RBM19: variants seen among roughly 807,000 people sequenced by gnomAD.
RBM19 encodes the protein probable RNA-binding protein 19.
RBM19 carries 94 observed loss-of-function variants against 116.8 expected under a neutral mutation model. The observed-to-expected ratio is 0.80, with a 90% CI of 0.68 to 0.95. RBM19 has a LOEUF of 0.95. RBM19 is among the 40% of genes least tolerant of loss of function. The pLI is 0.00. For synonymous variants in RBM19, 475 were observed against 494.1 expected (o/e 0.96, Z 0.51); for missense variants, 1,161 against 1,220.7 (o/e 0.95, Z 0.73).
chr12:113,848,241 G>A (rs1877151209), intron 22 of RBM19, among the ~76,000 whole-genome samples: 1 of 152,222 alleles, frequency 6.6e-6, no homozygotes, highest in African/African-American at 2.4e-5. Flanking sequence ...AGGCTAAAGA[G>A]TGGGGAGAAG....
intron 22 of RBM19, among the ~76,000 whole-genome samples, chr12:113,851,192 C>G (rs1339581691): frequency 6.6e-6 from 1 of 152,174 alleles, no homozygotes; most frequent in African/African-American, 2.4e-5. Context: ...CCAGAAATGA[C>G]ACCATGGAGC....
chr12:113,852,196 C>T (rs1371294310), intron 22 of RBM19, among the ~76,000 whole-genome samples: 3 of 152,194 alleles, frequency 2.0e-5, no homozygotes, highest in East Asian at 3.9e-4. Flanking sequence ...TCACTCTGAT[C>T]TCTGTAGGAC....
intron 22 of RBM19, among the ~76,000 whole-genome samples, chr12:113,846,485 T>C (rs1876984372): frequency 6.6e-6 from 1 of 152,162 alleles, no homozygotes; most frequent in South Asian, 2.1e-4. Flanking sequence ...CAGCAGGCCC[T>C]GAGCCAATGA....
chr12:113,949,202 A>C (rs1314500690), intron 9 of RBM19, among the ~76,000 whole-genome samples, 166 bp from the exon 10 acceptor site: 2 of 152,186 alleles, frequency 1.3e-5, no homozygotes, highest in Non-Finnish European at 2.9e-5. Context: ...AGCATAAGCC[A>C]AGCCAACACC....
intron 5 of RBM19, among the ~76,000 whole-genome samples, chr12:113,958,807 C>T (rs1313207702): frequency 6.8e-6 from 1 of 146,940 alleles, no homozygotes; most frequent in Admixed American, 6.8e-5. Context: ...GGGAGGCCTT[C>T]CCTCATAATT....
At chr12:113,866,715 G>A (rs1392385312) in intron 21 of RBM19, among the ~76,000 whole-genome samples, 1 of 152,190 alleles carries the variant, frequency 6.6e-6, no homozygotes, top group Non-Finnish European at 1.5e-5. Context: ...CTAGGTGAGT[G>A]TGGGCCTGCT....
intron 22 of RBM19, among the ~76,000 whole-genome samples, chr12:113,857,873 G>A (rs940183281): frequency 6.6e-6 from 1 of 152,236 alleles, no homozygotes; most frequent in South Asian, 2.1e-4. Flanking sequence ...GTGACTCCAG[G>A]AAATGTTCAC....
At chr12:113,829,203 G>A (rs1875150922) in intron 23 of RBM19, among the ~76,000 whole-genome samples, 1 of 152,168 alleles carries the variant, frequency 6.6e-6, no homozygotes, top group South Asian at 2.1e-4. Context: ...TCACCATGTT[G>A]GACATGAGCT....
chr12:113,877,457 G>A (rs11066799), intron 21 of RBM19, among the ~76,000 whole-genome samples: 35,140 of 152,130 alleles, frequency 0.23, 4,329 homozygotes, highest in Middle Eastern at 0.33. Flanking sequence ...TGGGGCTGCA[G>A]CTGTCTTCTC....
At chr12:113,934,736 CTAT>C (rs1333228594) in intron 16 of RBM19, among the ~76,000 whole-genome samples, 1 of 152,150 alleles carries the variant, frequency 6.6e-6, no homozygotes, top group Non-Finnish European at 1.5e-5. Flanking sequence ...GGAGCCCCCT[CTAT>C]TATTTTGATT....
In RBM19 at chr12:113,959,410, G is replaced by A. The variant is rs748492684; in HGVS notation, c.379-6C>T. ...AACTCTGTATCCTCCTTCAGCTGGT[G>A]GCACCAGAACCCGGGCGGCAGGGAC... On this transcript the variant is annotated splice_polypyrimidine_tract_variant and splice_region_variant and intron_variant, in intron 4 of 23. Transcript: ENST00000261741. 8 of 1,597,058 alleles carry A rather than the reference G, an allele frequency of 5.0e-6. No individual in the cohort carries two copies. Among genetic ancestry groups the A allele is most frequent in the Middle Eastern group, 1.7e-4 (1 of 6,014 alleles).
At chr12:113,859,663 G>C (rs911127672) in intron 21 of RBM19, among the ~76,000 whole-genome samples, 1 of 152,152 alleles carries the variant, frequency 6.6e-6, no homozygotes, top group Non-Finnish European at 1.5e-5. Flanking sequence ...AGGACAAAGG[G>C]ATAGGGCTTT....
In RBM19 at chr12:113,920,678, G is replaced by A; in HGVS notation, c.2318C>T (p.Ser773Phe). 6.2e-7 allele frequency: 1 copy of A among 1,613,952 alleles called. No homozygotes were observed. Among genetic ancestry groups the A allele is most frequent in the African/African-American group, 1.3e-5 (1 of 75,036 alleles). Residue 773 changes from serine to phenylalanine, a missense_variant, in exon 19 of 24, where the codon TCC becomes TTC. Coordinates refer to ENST00000261741, the MANE Select transcript of RBM19 (RefSeq NM_016196.4). ...GTATTCCACAAATCCAAACCCCATG[G>A]AAAGGAGCACTCCTGAGAGAGAGAG... ...KKKNKAGVLL[S>F]MGFGFVEYRK...
chr12:113,840,968 C>A (rs1876418409), intron 23 of RBM19, among the ~76,000 whole-genome samples: 1 of 152,232 alleles, frequency 6.6e-6, no homozygotes, highest in South Asian at 2.1e-4. Context: ...CTGCTCCCCC[C>A]TGGGGCCTTG....
downstream of RBM19, among the ~76,000 whole-genome samples, chr12:113,819,773 C>T (rs1338744298): frequency 6.6e-6 from 1 of 152,176 alleles, no homozygotes; most frequent in Non-Finnish European, 1.5e-5. Context: ...GACGCTTTCA[C>T]CAGTCCCTCT....
chr12:113,931,193 G>T (rs946875691), intron 16 of RBM19, among the ~76,000 whole-genome samples: 8 of 152,138 alleles, frequency 5.3e-5, no homozygotes, highest in Non-Finnish European at 1.2e-4. Flanking sequence ...GTATTGTATA[G>T]GTTGTTTCAA....
rs193099394 is a variant in RBM19 at position 113,927,351 on chromosome 12, C to G, written c.2069-122G>C. 4 of 1,243,756 alleles carry G rather than the reference C, an allele frequency of 3.2e-6. No homozygotes were observed. The Admixed American group carries it at 1.2e-4, about 36-fold the overall frequency. 77.0% of individuals were successfully genotyped at this position (1,243,756 alleles called of 1,614,324 possible). ...ACTAGGTAAAGGGGTTCTGCCTCTG[C>G]GGGCAGTGGCAGGAAGGGGCACCGT... On this transcript the variant is annotated intron_variant, in intron 16 of 23. Transcript: ENST00000261741.
chr12:113,900,084 C>T (rs1258647525), intron 21 of RBM19, among the ~76,000 whole-genome samples: 1 of 152,194 alleles, frequency 6.6e-6, no homozygotes, highest in Non-Finnish European at 1.5e-5. Flanking sequence ...CTTTTGTCGC[C>T]CACTCTGGAA....
intron 16 of RBM19, among the ~76,000 whole-genome samples, chr12:113,931,706 C>G (rs537461173): frequency 1.3e-5 from 2 of 152,286 alleles, no homozygotes; most frequent in Admixed American, 6.5e-5. Flanking sequence ...TACCACAGGG[C>G]CTTTGCACCT....
Sources: gnomAD v4.1 joint callset for allele counts (sites outside exome capture counted in the v4.1 genomes callset) on GRCh38, gnomAD v4.1.1 for gene constraint, MANE v1.5 for transcripts, NCBI Gene and HGNC (gene_info 2026-07-23, HGNC 2026-07-21) for gene names.